TENM3: variants seen among roughly 807,000 people sequenced by gnomAD.
TENM3 encodes the protein teneurin transmembrane protein 3.
In TENM3, 63 loss-of-function variants were observed where a neutral mutation model predicts 255.1. The observed-to-expected ratio is 0.25, with a 90% CI of 0.20 to 0.30. TENM3 has a LOEUF of 0.30. Ranked by LOEUF, TENM3 falls within the 10% of genes least tolerant of loss-of-function variation. The pLI is 1.00. For missense variants in TENM3, 2,929 were observed against 3,461.1 expected (o/e 0.85, Z 3.86); for synonymous variants, 1,306 against 1,322.3 (o/e 0.99, Z 0.27).
At chr4:182,148,461 C>A (rs1414025294) in intron 1 of TENM3, among the ~76,000 whole-genome samples, 3 of 152,112 alleles carry the variant, frequency 2.0e-5, no homozygotes, top group Admixed American at 6.5e-5. Flanking sequence ...ATATTCAACT[C>A]AAATAGCCTA....
intron 19 of TENM3, among the ~76,000 whole-genome samples, chr4:182,746,217 C>G (rs1459600457): frequency 6.6e-6 from 1 of 151,960 alleles, no homozygotes; most frequent in Non-Finnish European, 1.5e-5. Context: ...TTAATCATAC[C>G]CGTGGTCCGT....
chr4:182,113,609 C>T, the TENM3 span, among the ~76,000 whole-genome samples: 1 of 151,948 alleles, frequency 6.6e-6, no homozygotes, highest in South Asian at 2.1e-4. Flanking sequence ...AAATATACGC[C>T]CACCATGCTA....
intron 22 of TENM3, 178 bp downstream of exon 22, chr4:182,755,437 GA>G (rs1762661052): frequency 1.7e-6 from 1 of 593,360 alleles, no homozygotes; most frequent in African/African-American, 1.9e-5. Flanking sequence ...AGCTCCTGGG[GA>G]GGCTGAGACG....
At chr4:182,035,626 A>G in the TENM3 span, among the ~76,000 whole-genome samples, 1 of 152,122 alleles carries the variant, frequency 6.6e-6, no homozygotes, top group South Asian at 2.1e-4. Flanking sequence ...AGCCTTTTTA[A>G]TGTGGGGGTT....
At chr4:181,956,624 G>A in the TENM3 span, among the ~76,000 whole-genome samples, 95 of 152,262 alleles carry the variant, frequency 6.2e-4, no homozygotes, top group East Asian at 0.012. Context: ...TTACTGTGCT[G>A]GAGAGTTACA....
chr4:182,051,465 C>A, the TENM3 span, among the ~76,000 whole-genome samples: 25 of 151,392 alleles, frequency 1.7e-4, no homozygotes, highest in Admixed American at 1.6e-3. Context: ...GCAACCTCCG[C>A]CTCCTGGGTT....
the TENM3 span, among the ~76,000 whole-genome samples, chr4:181,556,565 T>C: frequency 6.6e-6 from 1 of 152,194 alleles, no homozygotes; most frequent in East Asian, 1.9e-4. Context: ...CTGGACATTT[T>C]TTCTATTACA....
At position 182,152,192 on chromosome 4, in the gene TENM3, G is replaced by A. The variant is rs537465575; in HGVS notation, c.-76+7438G>A. On this transcript the variant is annotated intron_variant, in intron 1 of 2. Coordinates refer to the TENM3 transcript ENST00000512480. ...AATTTAATAGTTCAGAAAGGGTTCAGAAAGGGGTGAAAGCTGAAGAGAACC... is the reference window on the plus strand; with the variant it reads ...AATTTAATAGTTCAGAAAGGGTTCAAAAAGGGGTGAAAGCTGAAGAGAACC... Among the ~76,000 whole-genome samples the A allele has an allele frequency of 5.3e-5, 8 of 152,024 alleles. No homozygotes were observed. The East Asian group carries it at 1.5e-3, about 29-fold the overall frequency.
At chr4:181,933,306 T>C in the TENM3 span, among the ~76,000 whole-genome samples, 1 of 152,186 alleles carries the variant, frequency 6.6e-6, no homozygotes, top group Non-Finnish European at 1.5e-5. Context: ...TAAGATATGA[T>C]CCTAAAATCA....
intron 3 of TENM3, among the ~76,000 whole-genome samples, chr4:182,418,055 C>T (rs1453785484): frequency 3.9e-5 from 6 of 152,034 alleles, no homozygotes; most frequent in Non-Finnish European, 7.4e-5. Flanking sequence ...ATCATTACTT[C>T]CAAAACATTT....
the TENM3 span, among the ~76,000 whole-genome samples, chr4:182,070,787 A>C: frequency 1.3e-5 from 2 of 152,212 alleles, no homozygotes; most frequent in East Asian, 3.8e-4. Context: ...ACTGTCTGAA[A>C]GATGACTCAG....
intron 3 of TENM3, among the ~76,000 whole-genome samples, chr4:182,381,775 G>A (rs2150924833): frequency 6.6e-6 from 1 of 152,268 alleles, no homozygotes; most frequent in East Asian, 1.9e-4. Flanking sequence ...TGGTCAGGCT[G>A]GTCTCGAACT....
the TENM3 span, among the ~76,000 whole-genome samples, chr4:181,677,252 C>A: frequency 1.3e-5 from 2 of 152,004 alleles, no homozygotes; most frequent in African/African-American, 4.8e-5. Context: ...CCTGCTTCAC[C>A]TTCTCTCTTG....
the TENM3 span, among the ~76,000 whole-genome samples, chr4:181,818,441 C>G: frequency 7.2e-5 from 11 of 152,092 alleles, no homozygotes; most frequent in African/African-American, 2.4e-4. Flanking sequence ...ACGGCCCGCC[C>G]TATAGATTGT....
chr4:182,132,441 C>A, the TENM3 span, among the ~76,000 whole-genome samples: 1 of 152,062 alleles, frequency 6.6e-6, no homozygotes, highest in Non-Finnish European at 1.5e-5. Context: ...TGAGATCACA[C>A]CACTGCACTC....
chr4:182,321,412 G>A (rs1763044598), intron 1 of TENM3, among the ~76,000 whole-genome samples: 1 of 151,944 alleles, frequency 6.6e-6, no homozygotes, highest in South Asian at 2.1e-4. Flanking sequence ...GATCACCTGA[G>A]GTCAGGAGTT....
At chr4:182,432,824 A>G (rs1771756288) in intron 3 of TENM3, among the ~76,000 whole-genome samples, 1 of 53,138 alleles carries the variant, frequency 1.9e-5, no homozygotes, top group South Asian at 8.4e-4. Context: ...ACAGTTTTCA[A>G]ATTTTTCATC....
At chr4:181,843,479 G>T in the TENM3 span, among the ~76,000 whole-genome samples, 1 of 152,140 alleles carries the variant, frequency 6.6e-6, no homozygotes, top group East Asian at 1.9e-4. Context: ...CTAAGAATTT[G>T]AGTCTCATCT....
intron 3 of TENM3, among the ~76,000 whole-genome samples, chr4:182,448,576 G>A (rs943618646): frequency 2.0e-5 from 3 of 152,196 alleles, no homozygotes; most frequent in Non-Finnish European, 4.4e-5. Context: ...CGGGAAAGTA[G>A]CGCTGCCGGA....
Sources: gnomAD v4.1 joint callset for allele counts (sites outside exome capture counted in the v4.1 genomes callset) on GRCh38, gnomAD v4.1.1 for gene constraint, MANE v1.5 for transcripts, NCBI Gene and HGNC (gene_info 2026-07-23, HGNC 2026-07-21) for gene names.